LINGO2: variants seen among roughly 807,000 people sequenced by gnomAD.
LINGO2 encodes leucine rich repeat and Ig domain containing 2.
LINGO2 carries 14 observed loss-of-function variants against 30.6 expected under a neutral mutation model. That is an observed-to-expected ratio of 0.46 (90% CI 0.30 to 0.72). The LOEUF is 0.72. Ranked by LOEUF, LINGO2 falls within the 30% of genes least tolerant of loss-of-function variation. The pLI is 0.07. For synonymous variants in LINGO2, 317 were observed against 288.5 expected (o/e 1.10, Z -1.00); for missense variants, 729 against 751.7 (o/e 0.97, Z 0.35).
At chr9:28,338,507 T>G (rs1364132820) in intron 3 of LINGO2, among the ~76,000 whole-genome samples, 1 of 152,046 alleles carries the variant, frequency 6.6e-6, no homozygotes, top group Non-Finnish European at 1.5e-5. Flanking sequence ...GACATGAGAT[T>G]TGGGAGGTAC....
intron 1 of LINGO2, among the ~76,000 whole-genome samples, chr9:28,660,169 T>G (rs1383785254): frequency 6.6e-6 from 1 of 152,166 alleles, no homozygotes; most frequent in Non-Finnish European, 1.5e-5. Context: ...ATTGTGAAAG[T>G]GAATAAAGAT....
chr9:28,409,719 A>G (rs1822671229), intron 2 of LINGO2, among the ~76,000 whole-genome samples: 1 of 151,638 alleles, frequency 6.6e-6, no homozygotes, highest in South Asian at 2.1e-4. Context: ...TGTCCAGGTT[A>G]TTATCTGGTG....
Position 28,506,503 on chromosome 9 carries a change from G to GATAGATAGATAGATAGAT in LINGO2, c.-364-30479_-364-30478insATCTATCTATCTATCTAT, listed in dbSNP as rs1380029523. ...ACATACACATACACACACACACACA[G>GATAGATAGATAGATAGAT]ACATATATATATATATATAAACTGT... On this transcript the variant is annotated intron_variant, in intron 1 of 5. Coordinates refer to ENST00000379992, the Ensembl canonical transcript of LINGO2. Among the ~76,000 whole-genome samples, 90 of 83,108 alleles carry GATAGATAGATAGATAGAT rather than the reference G, an allele frequency of 1.1e-3. 9 individuals are homozygous for GATAGATAGATAGATAGAT. Among genetic ancestry groups the GATAGATAGATAGATAGAT allele is most frequent in the African/African-American group, 4.1e-3 (87 of 21,020 alleles). The allele number at this position is 83,108 out of a possible 152,430, so 54.5% of individuals were successfully genotyped here.
chr9:29,109,091 A>C, the LINGO2 span, among the ~76,000 whole-genome samples: 1 of 152,218 alleles, frequency 6.6e-6, no homozygotes, highest in South Asian at 2.1e-4. Flanking sequence ...CCATCAGTGT[A>C]GACTGAGTTT....
chr9:28,070,134 A>G (rs796681336), intron 4 of LINGO2, among the ~76,000 whole-genome samples: 12 of 152,252 alleles, frequency 7.9e-5, no homozygotes, highest in African/African-American at 2.4e-4. Flanking sequence ...TAACTCAATA[A>G]GAGTTACCCA....
At chr9:28,915,890 C>G in the LINGO2 span, among the ~76,000 whole-genome samples, 1 of 152,256 alleles carries the variant, frequency 6.6e-6, no homozygotes, top group East Asian at 1.9e-4. Flanking sequence ...CAAGTTTCTG[C>G]TAATGTCTCA....
chr9:28,848,126 CTATA>C, the LINGO2 span, among the ~76,000 whole-genome samples: 1 of 88,832 alleles, frequency 1.1e-5, no homozygotes, highest in Non-Finnish European at 2.3e-5. Flanking sequence ...TATATATACA[CTATA>C]TATAGCATAT....
the LINGO2 span, among the ~76,000 whole-genome samples, chr9:29,004,816 G>A: frequency 6.6e-6 from 1 of 151,760 alleles, no homozygotes; most frequent in Non-Finnish European, 1.5e-5. Context: ...AACTCTTGAC[G>A]TAAGAGTTAG....
intron 2 of LINGO2, among the ~76,000 whole-genome samples, chr9:28,377,394 T>G (rs540998821): frequency 1.3e-5 from 2 of 152,334 alleles, no homozygotes; most frequent in South Asian, 4.1e-4. Context: ...CAGTTTATTT[T>G]ATTATAAAAA....
chr9:29,117,665 C>T, the LINGO2 span, among the ~76,000 whole-genome samples: 1 of 152,154 alleles, frequency 6.6e-6, no homozygotes, highest in South Asian at 2.1e-4. Flanking sequence ...CTAGAAAATG[C>T]TATCAGCCAA....
chr9:28,632,676 A>G (rs1827007162), intron 1 of LINGO2, among the ~76,000 whole-genome samples: 2 of 104,834 alleles, frequency 1.9e-5, no homozygotes, highest in South Asian at 6.2e-4. Context: ...TAAAATATCT[A>G]TATAAAAATA....
the LINGO2 span, among the ~76,000 whole-genome samples, chr9:28,846,683 C>A: frequency 6.8e-6 from 1 of 147,392 alleles, no homozygotes; most frequent in Non-Finnish European, 1.5e-5. Flanking sequence ...CAGCTCCTGA[C>A]CCAACAGTTC....
the LINGO2 span, among the ~76,000 whole-genome samples, chr9:28,864,568 C>A: frequency 6.6e-6 from 1 of 152,048 alleles, no homozygotes; most frequent in African/African-American, 2.4e-5. Flanking sequence ...TCAAGTAATT[C>A]ATGCTTTTGA....
chr9:28,902,398 C>A, the LINGO2 span, among the ~76,000 whole-genome samples: 1 of 151,922 alleles, frequency 6.6e-6, no homozygotes, highest in Admixed American at 6.6e-5. Flanking sequence ...ATATATAAAG[C>A]AAACACTGTG....
At chr9:28,259,770 G>A (rs1205462527) in intron 4 of LINGO2, among the ~76,000 whole-genome samples, 1 of 151,782 alleles carries the variant, frequency 6.6e-6, no homozygotes, top group South Asian at 2.1e-4. Flanking sequence ...AACTCAGAAA[G>A]GAACACTAAA....
chr9:28,830,327 G>A, the LINGO2 span, among the ~76,000 whole-genome samples: 1 of 152,168 alleles, frequency 6.6e-6, no homozygotes, highest in African/African-American at 2.4e-5. Flanking sequence ...TGGGGTGGGG[G>A]CCAGGCAGGG....
chr9:28,514,205 C>G (rs1000811552), intron 1 of LINGO2, among the ~76,000 whole-genome samples: 2 of 152,188 alleles, frequency 1.3e-5, no homozygotes, highest in Non-Finnish European at 2.9e-5. Context: ...TTGGACCACT[C>G]TATTCTTGGA....
chr9:28,169,904 T>C (rs1828534101), intron 4 of LINGO2, among the ~76,000 whole-genome samples: 1 of 152,334 alleles, frequency 6.6e-6, no homozygotes, highest in South Asian at 2.1e-4. Context: ...TGTTTGAATG[T>C]CATCTTTCCA....
At chr9:28,052,044 G>C (rs1026111433) in intron 4 of LINGO2, among the ~76,000 whole-genome samples, 1 of 151,978 alleles carries the variant, frequency 6.6e-6, no homozygotes, top group Admixed American at 6.6e-5. Flanking sequence ...TGCTCTCTGC[G>C]TTCTTATCAC....
Sources: gnomAD v4.1 joint callset for allele counts (sites outside exome capture counted in the v4.1 genomes callset) on GRCh38, gnomAD v4.1.1 for gene constraint, MANE v1.5 for transcripts, NCBI Gene and HGNC (gene_info 2026-07-23, HGNC 2026-07-21) for gene names.